Variants in SALL3 observed in about 807,000 individuals in gnomAD.
The protein encoded by SALL3 is spalt like transcription factor 3, also known as sal-like protein 3.
SALL3 carries 25 observed loss-of-function variants against 66.2 expected under a neutral mutation model. The observed-to-expected ratio is 0.38, with a 90% CI of 0.28 to 0.53. The LOEUF (loss-of-function observed/expected upper bound fraction) is 0.53, where lower values mean the gene tolerates loss of function less well. Ranked by LOEUF, SALL3 falls within the 20% of genes least tolerant of loss-of-function variation. The pLI is 0.85. For synonymous variants in SALL3, 1,152 were observed against 899.1 expected (o/e 1.28, Z -5.03); for missense variants, 2,194 against 1,916.5 (o/e 1.14, Z -2.70).
At position 78,993,890 on chromosome 18, in the gene SALL3, C is replaced by T. The variant is rs752932292; in HGVS notation, c.1899C>T (p.Ser633=). The T allele has an allele frequency of 4.0e-5, 63 of 1,580,984 alleles. No individual in the cohort carries two copies. In the Middle Eastern group the frequency reaches 8.3e-4, roughly 21 times the overall value. The change falls in exon 2 of 3, where the codon AGC becomes AGT. Residue 633 remains serine (S), a synonymous_variant. Transcript: ENST00000537592. ...ACGGCGCACCCACGAGCCTCGGCAGCCCCGGGCTGCCCGCCGTCTCCGAGC... is the reference window on the plus strand; with the variant it reads ...ACGGCGCACCCACGAGCCTCGGCAGTCCCGGGCTGCCCGCCGTCTCCGAGC... ...SVDGAPTSLG[S]PGLPAVSEQF...
chr18:78,987,214 T>C (rs1432232644), intron 1 of SALL3, among the ~76,000 whole-genome samples: 1 of 152,188 alleles, frequency 6.6e-6, no homozygotes, highest in East Asian at 1.9e-4. Flanking sequence ...GGCTAAAAAT[T>C]CTGCCTGTCA....
At chr18:78,983,759 TG>T (rs1914151394) in intron 1 of SALL3, among the ~76,000 whole-genome samples, 1 of 152,228 alleles carries the variant, frequency 6.6e-6, no homozygotes, top group Non-Finnish European at 1.5e-5. Context: ...AAAGGAACAA[TG>T]CAGGAGCTAC....
intron 1 of SALL3, among the ~76,000 whole-genome samples, chr18:78,986,022 G>A (rs923783377): frequency 6.6e-6 from 1 of 152,176 alleles, no homozygotes; most frequent in East Asian, 1.9e-4. Flanking sequence ...ATACACACGC[G>A]TTCCTTATAA....
chr18:78,990,725 G>A (rs1914402375), intron 1 of SALL3, among the ~76,000 whole-genome samples: 1 of 152,194 alleles, frequency 6.6e-6, no homozygotes, highest in African/African-American at 2.4e-5. Flanking sequence ...CTGATGTGCA[G>A]CTGTCATTGT....
chr18:78,993,507 G>A lies in SALL3; in HGVS notation c.1516G>A (p.Glu506Lys), dbSNP rs144444322. ...CCCCTACGGCATGTCGCTGCCCCCC[G>A]AGAAGCCCGTGACCACCTGGCTGGA... ...GIPYGMSLPP[E>K]KPVTTWLDSK... is the part of the protein sequence containing the mutation. The change falls in exon 2 of 3, where the codon GAG becomes AAG. Residue 506 changes from glutamate (E) to lysine (K), a missense_variant. Coordinates refer to ENST00000537592, the MANE Select transcript of SALL3 (RefSeq NM_171999.4). 7 of 1,603,388 alleles carry A rather than the reference G, an allele frequency of 4.4e-6. No homozygotes were observed. The highest frequency in any genetic ancestry group is 5.9e-6 in the Non-Finnish European group (7 of 1,176,638).
At chr18:78,986,563 G>T (rs181516124) in intron 1 of SALL3, among the ~76,000 whole-genome samples, 88 of 152,266 alleles carry the variant, frequency 5.8e-4, no homozygotes, top group African/African-American at 2.0e-3. Context: ...GAGTTAAAAA[G>T]AATTAATTTG....
At chr18:78,987,887 C>T (rs1001126562) in intron 1 of SALL3, among the ~76,000 whole-genome samples, 15 of 152,324 alleles carry the variant, frequency 9.8e-5, no homozygotes, top group African/African-American at 2.9e-4. Context: ...TACAGTTTCA[C>T]GTCTCTTAGC....
rs768962168 is a variant in SALL3, at chr18:78,995,305, C to T, written c.3314C>T (p.Pro1105Leu). ...GGCCTGGCGCCCATGCTGGCCCCCC[C>T]ACCGCGCCGGACGCCCAAGCAGCAC... The part of the protein sequence containing the change: ...GPGLAPMLAP[P>L]PRRTPKQHNC... Residue 1105 changes from proline to leucine, a missense_variant, in exon 2 of 3, where the codon CCA becomes CTA. Physicochemically the swap from Pro to Leu is moderately conservative, Grantham distance 98 (BLOSUM62 -3). Coordinates refer to ENST00000537592, the MANE Select transcript of SALL3 (RefSeq NM_171999.4). 6.4e-7 allele frequency: 1 copy of T among 1,571,914 alleles called. No individual in the cohort carries two copies. The highest frequency in any genetic ancestry group is 8.6e-7 in the Non-Finnish European group (1 of 1,164,280).
rs1402066070 is a variant in SALL3 at position 78,980,315 on chromosome 18, C to T, written c.41C>T (p.Ser14Leu). Residue 14 changes from serine to leucine, a missense_variant, in exon 1 of 3, where the codon TCG (serine) becomes TTG (leucine). Coordinates refer to ENST00000537592, the MANE Select transcript of SALL3 (RefSeq NM_171999.4). ...RKQAKPQHLK[S>L]DEELLPPDGA... The stretch of plus-strand genomic sequence containing the variant: ...CAGGCCAAGCCCCAGCACCTCAAGT[C>T]GGACGAGGAGCTGCTGCCGCCTGAC... 3.5e-6 allele frequency: 5 copies of T among 1,438,482 alleles called. No homozygotes were observed. Among genetic ancestry groups the T allele is most frequent in the Non-Finnish European group, 4.6e-6 (5 of 1,089,964 alleles). 89.1% of individuals were successfully genotyped at this position (1,438,482 alleles called of 1,614,324 possible).
Position 78,993,827 on chromosome 18 carries a change from C to T in SALL3, c.1836C>T (p.Pro612=). ...CCAACGCCAGGGCCGGGGACGCTCC[C>T]GTGGGCGCGCAGGCTAGCGCTGCAC... ...PCTNARAGDA[P]VGAQASAAPT... The change falls in exon 2 of 3, where the codon CCC becomes CCT. Residue 612 remains proline (P), a synonymous_variant. Transcript: ENST00000537592. 1 of 1,552,894 alleles carries T rather than the reference C, an allele frequency of 6.4e-7. No individual in the cohort carries two copies. The highest frequency in any genetic ancestry group is 8.7e-7 in the Non-Finnish European group (1 of 1,152,214).
At chr18:78,990,177 G>A (rs1914380031) in intron 1 of SALL3, among the ~76,000 whole-genome samples, 1 of 152,136 alleles carries the variant, frequency 6.6e-6, no homozygotes, top group African/African-American at 2.4e-5. Context: ...GTGCCTATCT[G>A]CAGTATAAAT....
rs757805415 is a variant in SALL3, at chr18:78,995,507, C to T, written c.3471+45C>T. 7 of 1,498,520 alleles carry T rather than the reference C, an allele frequency of 4.7e-6. No homozygotes were observed. In the South Asian group the frequency reaches 8.1e-5, roughly 17 times the overall value. 92.8% of individuals were successfully genotyped at this position (1,498,520 alleles called of 1,614,324 possible). A position where few individuals can be genotyped will look rare whatever the true frequency, so the allele number is the denominator to read the frequency against. Reference sequence around the variant, plus strand: ...CAGCCCCGGCTGCGGTGCGGCCGAGCCACGGTGGCTTTCTCCATCACCTGC... The same window carrying T: ...CAGCCCCGGCTGCGGTGCGGCCGAGTCACGGTGGCTTTCTCCATCACCTGC... On this transcript the variant is annotated intron_variant, in intron 2 of 2. Coordinates refer to ENST00000537592, the MANE Select transcript of SALL3 (RefSeq NM_171999.4).
At position 78,992,307 on chromosome 18, in the gene SALL3, C is replaced by G. The variant is rs1026536209; in HGVS notation, c.316C>G (p.Arg106Gly). 7 of 1,510,428 alleles carry G rather than the reference C, an allele frequency of 4.6e-6. No individual in the cohort carries two copies. The South Asian group carries it at 6.3e-5, about 14-fold the overall frequency. The allele number at this position is 1,510,428 out of a possible 1,614,324, so 93.6% of individuals were successfully genotyped here. ...TTCGCCCGCCAGCTCCCCCAGCGAG[C>G]GCGCCGAAAGCGAGGCGGCCGAGGA... is the stretch of plus-strand genomic sequence containing the variant. ...EPSPASSPSERAESEAAEEAG... is the reference protein window; with the variant it reads ...EPSPASSPSEGAESEAAEEAG... Residue 106 changes from arginine to glycine, a missense_variant, in exon 2 of 3, where the codon CGC becomes GGC. Arg to Gly is a moderately radical substitution (Grantham distance 125). Coordinates refer to ENST00000537592, the MANE Select transcript of SALL3 (RefSeq NM_171999.4).
intron 1 of SALL3, among the ~76,000 whole-genome samples, chr18:78,983,315 A>G (rs974129728): frequency 6.6e-6 from 1 of 152,198 alleles, no homozygotes; most frequent in African/African-American, 2.4e-5. Flanking sequence ...ATTAATTAAA[A>G]CTTCCAATGA....
At position 78,997,213 on chromosome 18, in the gene SALL3, C is replaced by T; in HGVS notation, c.3794C>T (p.Thr1265Ile). Reference protein sequence around the residue: ...SMASGMDKARTGSSPPIVSLD... With the variant: ...SMASGMDKARIGSSPPIVSLD... The stretch of plus-strand genomic sequence containing the variant: ...GCCAGTGGGATGGACAAAGCACGCA[C>T]TGGCAGTAGCCCACCCATCGTCAGC... The change falls in exon 3 of 3, where the codon ACT becomes ATT. Residue 1265 changes from threonine (T) to isoleucine (I), a missense_variant. Thr to Ile is a moderately conservative substitution (Grantham distance 89). Transcript: ENST00000537592. The T allele has an allele frequency of 3.7e-6, 6 of 1,614,046 alleles. No homozygotes were observed. Among genetic ancestry groups the T allele is most frequent in the Non-Finnish European group, 5.1e-6 (6 of 1,180,030 alleles).
At position 78,993,817 on chromosome 18, in the gene SALL3, G is replaced by A; in HGVS notation, c.1826G>A (p.Gly609Glu). ...VSLPCTNARA[G>E]DAPVGAQASA... ...CTGCCCTGCACCAACGCCAGGGCCG[G>A]GGACGCTCCCGTGGGCGCGCAGGCT... is the stretch of plus-strand genomic sequence containing the variant. Residue 609 changes from glycine to glutamate, a missense_variant, in exon 2 of 3, where the codon GGG becomes GAG. Gly to Glu is a moderately conservative substitution (Grantham distance 98, BLOSUM62 -2). Coordinates refer to ENST00000537592, the MANE Select transcript of SALL3 (RefSeq NM_171999.4). 1 of 1,553,932 alleles carries A rather than the reference G, an allele frequency of 6.4e-7. No individual in the cohort carries two copies. Among genetic ancestry groups the A allele is most frequent in the Non-Finnish European group, 8.7e-7 (1 of 1,153,750 alleles).
chr18:78,997,061 G>A lies in SALL3; in HGVS notation c.3642G>A (p.Gln1214=). The part of the protein sequence containing the change: ...AMNVDPSFWN[Q]YAAAITNGLA... ...ACGTCGACCCCAGTTTTTGGAACCA[G>A]TATGCTGCAGCCATCACTAACGGGC... Residue 1214 remains glutamine, a synonymous_variant, in exon 3 of 3, where the codon CAG becomes CAA. Transcript: ENST00000537592. 1 of 1,614,168 alleles carries A rather than the reference G, an allele frequency of 6.2e-7. No individual in the cohort carries two copies. The highest frequency in any genetic ancestry group is 8.5e-7 in the Non-Finnish European group (1 of 1,180,048).
rs1193372229 is a variant in SALL3, at chr18:78,993,877, C to T, written c.1886C>T (p.Thr629Met). The change falls in exon 2 of 3, where the codon ACG becomes ATG. Residue 629 changes from threonine to methionine, a missense_variant. Transcript: ENST00000537592. ...CCCACATCGGTGGACGGCGCACCCA[C>T]GAGCCTCGGCAGCCCCGGGCTGCCC... ...AAPTSVDGAP[T>M]SLGSPGLPAV... 6.4e-6 allele frequency: 10 copies of T among 1,569,566 alleles called. No homozygotes were observed. The highest frequency in any genetic ancestry group is 1.4e-5 in the African/African-American group (1 of 73,540).
Position 78,998,766 on chromosome 18 carries a change from A to T in SALL3, c.*1444A>T, listed in dbSNP as rs1480087571. ...TTTCCGAGTTCCTGATTTATTTATT[A>T]TCTTCTCAGATGAAAGCAAAGCACA... On this transcript the variant is annotated 3_prime_UTR_variant, in exon 3 of 3. Coordinates refer to ENST00000537592, the MANE Select transcript of SALL3 (RefSeq NM_171999.4). The T allele has an allele frequency of 1.3e-5, 2 of 152,262 alleles. No homozygotes were observed. The highest frequency in any genetic ancestry group is 2.9e-5 in the Non-Finnish European group (2 of 68,068). The allele number at this position is 152,262 out of a possible 1,614,324, so 9.4% of individuals were successfully genotyped here. A position where few individuals can be genotyped will look rare whatever the true frequency, so the allele number is the denominator to read the frequency against.
Sources: gnomAD v4.1 joint callset for allele counts (sites outside exome capture counted in the v4.1 genomes callset) on GRCh38, gnomAD v4.1.1 for gene constraint, MANE v1.5 for transcripts, NCBI Gene and HGNC (gene_info 2026-07-23, HGNC 2026-07-21) for gene names.